Variants in RGS22 observed in about 807,000 individuals in gnomAD.
The protein encoded by RGS22 is regulator of G protein signaling 22.
A neutral mutation model predicts 172.9 loss-of-function variants in RGS22; 148 were observed. The ratio of observed to expected loss-of-function variants is 0.86; its 90% CI spans 0.75 to 0.98. The LOEUF (loss-of-function observed/expected upper bound fraction) is 0.98. Among genes scored for constraint, RGS22 ranks in the 50% least tolerant of loss-of-function variants. RGS22 has a pLI of 0.00. For synonymous variants in RGS22, 458 were observed against 480.2 expected (o/e 0.95, Z 0.60); for missense variants, 1,347 against 1,440.8 (o/e 0.93, Z 1.05).
Position 99,992,654 on chromosome 8 carries a change from A to G in RGS22, c.3018+3808T>C, listed in dbSNP as rs140134835. On this transcript the variant is annotated intron_variant, in intron 20 of 27. Transcript: ENST00000360863. ...GACCTATGAAGAGACTTAGACTCCC[A>G]CACAATAATAATGGGAGACTTTAAC... is the stretch of plus-strand genomic sequence containing the variant. Among the ~76,000 whole-genome samples, 386 of 152,328 alleles carry G rather than the reference A, an allele frequency of 2.5e-3. 2 individuals carry two copies. The highest frequency in any genetic ancestry group is 9.0e-3 in the African/African-American group (374 of 41,580).
At chr8:100,051,066 G>C (rs1411302857) in intron 10 of RGS22, among the ~76,000 whole-genome samples, 1 of 151,592 alleles carries the variant, frequency 6.6e-6, no homozygotes, top group Admixed American at 6.6e-5. Context: ...GAAATAATAA[G>C]CCTCAAGAAT....
At chr8:100,003,779 T>C (rs1815368445) in intron 17 of RGS22, 147 bp downstream of exon 17, 1 of 625,774 alleles carries the variant, frequency 1.6e-6, no homozygotes, top group South Asian at 3.1e-5. Flanking sequence ...AAGTTACCCA[T>C]ACAGATTTCA....
chr8:99,971,260 A>C (rs1254090855), intron 23 of RGS22, among the ~76,000 whole-genome samples: 1 of 152,238 alleles, frequency 6.6e-6, no homozygotes, highest in Non-Finnish European at 1.5e-5. Flanking sequence ...AAAAACCCAT[A>C]GCCAATATCA....
chr8:100,104,329 C>CGCGT (rs372739639), intron 2 of RGS22, among the ~76,000 whole-genome samples: 2 of 140,358 alleles, frequency 1.4e-5, no homozygotes, highest in Non-Finnish European at 3.0e-5. Flanking sequence ...AAAATATGTG[C>CGCGT]GTGTGTGTGT....
Position 100,072,236 on chromosome 8 carries a change from A to C in RGS22, c.340-6T>G. On this transcript the variant is annotated splice_polypyrimidine_tract_variant and splice_region_variant and intron_variant, in intron 4 of 27. Coordinates refer to ENST00000360863, the MANE Select transcript of RGS22 (RefSeq NM_015668.5). Reference sequence around the variant, plus strand: ...CCTTCTTCACGACTGAGACACTATGAGAAGAAAGAGAAAAAGAAAAAGAAG... The same window carrying C: ...CCTTCTTCACGACTGAGACACTATGCGAAGAAAGAGAAAAAGAAAAAGAAG... 6.5e-7 allele frequency: 1 copy of C among 1,539,098 alleles called. No individual in the cohort carries two copies. The highest frequency in any genetic ancestry group is 8.8e-7 in the Non-Finnish European group (1 of 1,135,060).
At chr8:99,983,834 C>T (rs550064845) in intron 21 of RGS22, among the ~76,000 whole-genome samples, 1 of 152,222 alleles carries the variant, frequency 6.6e-6, no homozygotes, top group South Asian at 2.1e-4. Flanking sequence ...ATTGTAATAG[C>T]TCTACTATGG....
At chr8:100,101,638 T>C (rs997478129) in intron 2 of RGS22, among the ~76,000 whole-genome samples, 12 of 151,842 alleles carry the variant, frequency 7.9e-5, no homozygotes, top group Non-Finnish European at 1.5e-4. Flanking sequence ...CACTTTAAAC[T>C]TTCTCAATGT....
intron 6 of RGS22, among the ~76,000 whole-genome samples, chr8:100,067,496 A>G (rs889232395): frequency 5.3e-5 from 8 of 152,218 alleles, no homozygotes; most frequent in African/African-American, 1.9e-4. Context: ...AGGAGTTCAG[A>G]GAGACCAACA....
intron 14 of RGS22, among the ~76,000 whole-genome samples, chr8:100,010,863 C>T (rs940629917): frequency 2.0e-5 from 3 of 149,868 alleles, no homozygotes; most frequent in Non-Finnish European, 3.0e-5. Flanking sequence ...AGGCTAATCT[C>T]GAACTCCTGG....
chr8:99,987,478 G>C lies in RGS22; in HGVS notation c.3160C>G (p.Gln1054Glu). The change falls in exon 21 of 28, where the codon CAA (glutamine) becomes GAA (glutamate). Residue 1054 changes from glutamine (Q) to glutamate (E), a missense_variant. Transcript: ENST00000360863. ...AATACCTTATATTTTTGTACTTCTTGCCAAAAGAGTAAACCATTTTCCAAT... is the reference window on the plus strand; with the variant it reads ...AATACCTTATATTTTTGTACTTCTTCCCAAAAGAGTAAACCATTTTCCAAT... Reference protein sequence around the residue: ...DLLENGLLFWQEVQKYKDLCH... With the variant: ...DLLENGLLFWEEVQKYKDLCH... 6.2e-7 allele frequency: 1 copy of C among 1,607,142 alleles called. No individual in the cohort carries two copies. Among genetic ancestry groups the C allele is most frequent in the Non-Finnish European group, 8.5e-7 (1 of 1,176,214 alleles).
chr8:100,051,503 A>T, intron 10 of RGS22, among the ~76,000 whole-genome samples: 1 of 58,228 alleles, frequency 1.7e-5, no homozygotes, highest in Non-Finnish European at 3.0e-5. Flanking sequence ...TATATAATAA[A>T]TATATATAAA....
intron 2 of RGS22, among the ~76,000 whole-genome samples, chr8:100,096,952 T>A (rs1218747953): frequency 6.6e-6 from 1 of 152,162 alleles, no homozygotes; most frequent in Non-Finnish European, 1.5e-5. Context: ...AACTGTTTCT[T>A]CCAAAGGAAG....
chr8:100,000,496 A>T (rs1814926142), intron 18 of RGS22, among the ~76,000 whole-genome samples: 1 of 152,222 alleles, frequency 6.6e-6, no homozygotes. Context: ...GACATCCTTA[A>T]GTATAAAATA....
intron 3 of RGS22, among the ~76,000 whole-genome samples, chr8:100,084,847 A>G (rs770377369): frequency 6.6e-5 from 10 of 152,364 alleles, no homozygotes; most frequent in Admixed American, 2.0e-4. Flanking sequence ...CAAGTACATG[A>G]TCTTTCATTT....
intron 19 of RGS22, 68 bp downstream of exon 19, chr8:99,999,194 G>C: frequency 7.3e-7 from 1 of 1,376,088 alleles, no homozygotes; most frequent in South Asian, 1.4e-5. Flanking sequence ...TGGGTCACCA[G>C]GTATGTACAT....
At chr8:100,096,579 G>T (rs1487162674) in intron 2 of RGS22, among the ~76,000 whole-genome samples, 2 of 149,458 alleles carry the variant, frequency 1.3e-5, no homozygotes, top group South Asian at 2.1e-4. Context: ...AACTTATTTT[G>T]CTGCACCTTC....
chr8:100,064,090 C>A, intron 7 of RGS22, 47 bp from the exon 8 acceptor site: 1 of 1,331,660 alleles, frequency 7.5e-7, no homozygotes, highest in Non-Finnish European at 1.0e-6. Context: ...GAATACAAAC[C>A]TTTCTTATTA....
intron 20 of RGS22, among the ~76,000 whole-genome samples, chr8:99,992,536 C>T (rs200944289): frequency 6.6e-6 from 1 of 152,048 alleles, no homozygotes; most frequent in African/African-American, 2.4e-5. Flanking sequence ...TTACATAATG[C>T]TAAAGGGATC....
rs1813683847 is a variant in RGS22, at chr8:100,103,703, A to C, written c.54+1671T>G. ...CTCACCCAGAGAAAGCCCAGAGAACAGAATCCTGAAGGTCAATACTTTCAT... is the reference window on the plus strand; with the variant it reads ...CTCACCCAGAGAAAGCCCAGAGAACCGAATCCTGAAGGTCAATACTTTCAT... On this transcript the variant is annotated intron_variant, in intron 2 of 27. Coordinates refer to ENST00000360863, the MANE Select transcript of RGS22 (RefSeq NM_015668.5). Among the ~76,000 whole-genome samples, 2 of 152,216 alleles carry C rather than the reference A, an allele frequency of 1.3e-5. 1 individual carries two copies. The highest frequency in any genetic ancestry group is 4.1e-4 in the South Asian group (2 of 4,830).
Sources: allele counts gnomAD v4.1 joint callset (sites outside exome capture counted in the v4.1 genomes callset), GRCh38; gene constraint gnomAD v4.1.1; transcripts MANE v1.5; gene names NCBI Gene and HGNC (gene_info 2026-07-23, HGNC 2026-07-21).